CCSER1: variants seen among roughly 807,000 people sequenced by gnomAD.
CCSER1 encodes coiled-coil serine rich protein 1.
Under a neutral mutation model 82.0 loss-of-function variants are expected in CCSER1, and 41 were observed. The observed-to-expected ratio is 0.50, with a 90% confidence interval of 0.39 to 0.65. The LOEUF (loss-of-function observed/expected upper bound fraction) is 0.65. CCSER1 is among the 30% of genes least tolerant of loss of function. The pLI is 0.00. For synonymous variants in CCSER1, 414 were observed against 383.9 expected, an observed-to-expected ratio of 1.08 and a Z score of -0.92; for missense variants, 1,119 against 1,064.2, an observed-to-expected ratio of 1.05 and a Z score of -0.72.
intron 5 of CCSER1, among the ~76,000 whole-genome samples, chr4:90,533,169 G>A (rs1233833434): frequency 1.4e-5 from 2 of 138,454 alleles, no homozygotes; most frequent in Non-Finnish European, 3.0e-5. Flanking sequence ...TCGGCTCACT[G>A]CAAGCTCCGC....
At chr4:91,020,945 A>G (rs1265526994) in intron 9 of CCSER1, among the ~76,000 whole-genome samples, 1 of 152,184 alleles carries the variant, frequency 6.6e-6, no homozygotes, top group Admixed American at 6.5e-5. Context: ...TTGTGATGAT[A>G]AATAACCCAA....
At chr4:90,902,765 T>C (rs1355948095) in intron 8 of CCSER1, among the ~76,000 whole-genome samples, 1 of 152,056 alleles carries the variant, frequency 6.6e-6, no homozygotes, top group Non-Finnish European at 1.5e-5. Context: ...GTCCAGTAGA[T>C]GGTGATTAAG....
chr4:90,618,154 C>T (rs755501243), intron 5 of CCSER1, among the ~76,000 whole-genome samples: 2 of 151,952 alleles, frequency 1.3e-5, no homozygotes, highest in Non-Finnish European at 2.9e-5. Flanking sequence ...AAAGTTCTGT[C>T]ACCCTAAAGA....
intron 7 of CCSER1, among the ~76,000 whole-genome samples, chr4:90,779,032 C>T (rs1405921354): frequency 1.3e-5 from 2 of 152,128 alleles, no homozygotes; most frequent in African/African-American, 4.8e-5. Context: ...AACTACTCGT[C>T]TTATTTCCCT....
At chr4:90,269,869 G>A (rs968565927) in intron 1 of CCSER1, among the ~76,000 whole-genome samples, 1 of 151,932 alleles carries the variant, frequency 6.6e-6, no homozygotes, top group Non-Finnish European at 1.5e-5. Flanking sequence ...AAAATTCAAA[G>A]GATCATTAGA....
rs557068392 is a variant in CCSER1 at position 91,462,489 on chromosome 4, T to C, written c.2218-136083T>C. 1.9e-4 allele frequency among the ~76,000 whole-genome samples: 29 copies of C among 152,074 alleles called. No homozygotes were observed. In the South Asian group the frequency reaches 5.8e-3, roughly 31 times the overall value. On this transcript the variant is annotated intron_variant, in intron 10 of 10. Transcript: ENST00000509176. ...AACTGAGGTACCAGGTTCATCTCACTGGGGTTTGTTGGACAGTGGGTGAAG... is the reference window on the plus strand; with the variant it reads ...AACTGAGGTACCAGGTTCATCTCACCGGGGTTTGTTGGACAGTGGGTGAAG...
At chr4:90,991,769 A>G (rs1419415889) in intron 9 of CCSER1, among the ~76,000 whole-genome samples, 1 of 151,970 alleles carries the variant, frequency 6.6e-6, no homozygotes. Flanking sequence ...TCAATCCACA[A>G]CAAAACTGTA....
chr4:90,612,076 C>G (rs972365665), intron 5 of CCSER1, among the ~76,000 whole-genome samples: 1 of 151,520 alleles, frequency 6.6e-6, no homozygotes, highest in Admixed American at 6.6e-5. Flanking sequence ...ATTTTAATTG[C>G]GTGTTCAATA....
chr4:90,764,495 C>T (rs1207073212), intron 7 of CCSER1, among the ~76,000 whole-genome samples: 1 of 152,042 alleles, frequency 6.6e-6, no homozygotes, highest in African/African-American at 2.4e-5. Flanking sequence ...ACAGAGACAT[C>T]AATTGTCACC....
chr4:90,455,819 T>C (rs1208634728), intron 4 of CCSER1, among the ~76,000 whole-genome samples: 2 of 152,292 alleles, frequency 1.3e-5, no homozygotes, highest in East Asian at 3.9e-4. Flanking sequence ...CCATCCACGA[T>C]GCAGGAGGGC....
intron 10 of CCSER1, among the ~76,000 whole-genome samples, chr4:91,407,288 A>G (rs1578383638): frequency 1.3e-5 from 2 of 152,220 alleles, no homozygotes; most frequent in East Asian, 3.8e-4. Context: ...GCAAGTCTAC[A>G]AAAACAGGCT....
At chr4:90,701,556 A>T (rs1360504382) in intron 6 of CCSER1, among the ~76,000 whole-genome samples, 3 of 152,126 alleles carry the variant, frequency 2.0e-5, no homozygotes, top group African/African-American at 7.2e-5. Context: ...ATGGCATTGA[A>T]TCTATAAATT....
chr4:90,863,149 C>T (rs1419318862), intron 8 of CCSER1, among the ~76,000 whole-genome samples: 1 of 149,956 alleles, frequency 6.7e-6, no homozygotes. Flanking sequence ...TCCATTTGTT[C>T]TCATTGTTCA....
At chr4:91,235,193 A>G (rs1229257138) in intron 10 of CCSER1, among the ~76,000 whole-genome samples, 4 of 152,122 alleles carry the variant, frequency 2.6e-5, no homozygotes, top group Non-Finnish European at 4.4e-5. Flanking sequence ...CTAGGTTAAC[A>G]TAATGTTACT....
At chr4:91,382,029 C>G (rs1750937292) in intron 10 of CCSER1, among the ~76,000 whole-genome samples, 1 of 152,144 alleles carries the variant, frequency 6.6e-6, no homozygotes, top group Admixed American at 6.6e-5. Flanking sequence ...CATTCCAGAT[C>G]CTGTTTGCCT....
chr4:91,075,722 G>A (rs1721925028), intron 9 of CCSER1, among the ~76,000 whole-genome samples: 1 of 152,040 alleles, frequency 6.6e-6, no homozygotes, highest in Non-Finnish European at 1.5e-5. Context: ...TTGTTGTGTG[G>A]TATATATAAG....
chr4:91,562,434 G>C lies in CCSER1; in HGVS notation c.2218-36138G>C, dbSNP rs114671392. Among the ~76,000 whole-genome samples, 410 of 151,512 alleles carry C rather than the reference G, an allele frequency of 2.7e-3. 1 individual carries two copies. The highest frequency in any genetic ancestry group is 9.4e-3 in the African/African-American group (391 of 41,444). ...TCAGAATATTCTCCTTCAAGCTGTT[G>C]TGTGTGCCTTGGATGGAATAAGGGT... On this transcript the variant is annotated intron_variant, in intron 10 of 10. Transcript: ENST00000509176.
chr4:90,276,577 C>A lies in CCSER1; in HGVS notation c.-41-31667C>A, dbSNP rs1727862761. On this transcript the variant is annotated intron_variant, in intron 1 of 10. Coordinates refer to ENST00000509176, the MANE Select transcript of CCSER1 (RefSeq NM_001145065.2). ...GTCAGGCTGGTCTCGAAATCCTGGC[C>A]TCAGTTGATCCACCTGCCTTGCCCA... 2.0e-5 allele frequency among the ~76,000 whole-genome samples: 3 copies of A among 152,026 alleles called. 1 individual carries two copies. The South Asian group carries it at 6.2e-4, about 32-fold the overall frequency.
chr4:91,036,887 T>C (rs563688188), intron 9 of CCSER1, among the ~76,000 whole-genome samples: 2 of 151,988 alleles, frequency 1.3e-5, no homozygotes, highest in Non-Finnish European at 2.9e-5. Flanking sequence ...GAGACCAGTC[T>C]GGCCAACATG....
Sources: gnomAD v4.1 joint callset for allele counts (sites outside exome capture counted in the v4.1 genomes callset) on GRCh38, gnomAD v4.1.1 for gene constraint, MANE v1.5 for transcripts, NCBI Gene and HGNC (gene_info 2026-07-23, HGNC 2026-07-21) for gene names.